Variants in PAN3 observed in about 807,000 individuals in gnomAD.
The protein encoded by PAN3 is poly(A) specific ribonuclease subunit PAN3.
In PAN3, 19 loss-of-function variants were observed where a neutral mutation model predicts 96.2. The observed-to-expected ratio is 0.20, with a 90% CI of 0.14 to 0.29. The LOEUF (loss-of-function observed/expected upper bound fraction) is 0.29. Among genes scored for constraint, PAN3 ranks in the 10% least tolerant of loss-of-function variants. The pLI, the probability that PAN3 is intolerant of heterozygous loss-of-function variation, is 1.00. For missense variants in PAN3, 882 were observed against 1,108.1 expected (o/e 0.80, Z 2.90); for synonymous variants, 433 against 406.6 (o/e 1.06, Z -0.78).
At chr13:28,208,506 CT>C (rs1372886879) in intron 5 of PAN3, among the ~76,000 whole-genome samples, 1 of 152,072 alleles carries the variant, frequency 6.6e-6, no homozygotes, top group Non-Finnish European at 1.5e-5. Context: ...ATCCAAGATA[CT>C]TGAGACTATA....
At chr13:28,197,655 C>G (rs1004270642) in intron 5 of PAN3, among the ~76,000 whole-genome samples, 2 of 152,028 alleles carry the variant, frequency 1.3e-5, no homozygotes, top group Non-Finnish European at 2.9e-5. Context: ...TCACTGTAAC[C>G]TCCACCTCCC....
intron 6 of PAN3, among the ~76,000 whole-genome samples, chr13:28,225,169 C>T (rs1182006671): frequency 6.6e-6 from 1 of 151,662 alleles, no homozygotes; most frequent in Non-Finnish European, 1.5e-5. Context: ...TTGGCTAATA[C>T]CCTTTTTTTA....
chr13:28,235,097 A>G (rs1034811886), intron 6 of PAN3, among the ~76,000 whole-genome samples: 2 of 151,832 alleles, frequency 1.3e-5, no homozygotes, highest in African/African-American at 4.8e-5. Context: ...TCCCTTGTGT[A>G]CTCCGTTCTG....
chr13:28,219,216 T>C (rs1881125769), intron 5 of PAN3, among the ~76,000 whole-genome samples: 1 of 152,230 alleles, frequency 6.6e-6, no homozygotes, highest in Non-Finnish European at 1.5e-5. Context: ...TTATACTTTT[T>C]CAGAAATTCA....
chr13:28,281,235 T>A, intron 16 of PAN3, 80 bp from the exon 17 acceptor site: 1 of 1,031,952 alleles, frequency 9.7e-7, no homozygotes, highest in Non-Finnish European at 1.5e-6. Context: ...TGGTACAGGT[T>A]ACCAGTTTTT....
rs1874668961 is a variant in PAN3, at chr13:28,174,291, T to C, written c.450T>C (p.Gly150=). The change falls in exon 2 of 19, where the codon GGT becomes GGC. Residue 150 remains glycine (G), a synonymous_variant. Coordinates refer to ENST00000380958, the MANE Select transcript of PAN3 (RefSeq NM_175854.8). Reference sequence around the variant, plus strand: ...TTTCAGTTCCAGGAATGGATGGAGGTGCTTTAACTGATACAAGTCTCACAG... The same window carrying C: ...TTTCAGTTCCAGGAATGGATGGAGGCGCTTTAACTGATACAAGTCTCACAG... The part of the protein sequence containing the change: ...PRLAIPGMDG[G]ALTDTSLTDS... 1.2e-6 allele frequency: 2 copies of C among 1,612,244 alleles called. No individual in the cohort carries two copies. The highest frequency in any genetic ancestry group is 3.3e-5 in the Admixed American group (2 of 59,944).
chr13:28,242,161 T>A (rs1240793393), intron 6 of PAN3, among the ~76,000 whole-genome samples: 1 of 152,218 alleles, frequency 6.6e-6, no homozygotes, highest in Admixed American at 6.5e-5. Flanking sequence ...GTGGGTTGTT[T>A]CATGTTTGCT....
At chr13:28,229,426 A>G (rs1882315619) in intron 6 of PAN3, among the ~76,000 whole-genome samples, 1 of 152,294 alleles carries the variant, frequency 6.6e-6, no homozygotes, top group South Asian at 2.1e-4. Context: ...ACAAAATATA[A>G]TCTTATTTAT....
rs926652386 is a variant in PAN3, at chr13:28,220,432, A to G, written c.1000+54A>G. 2.1e-5 allele frequency: 32 copies of G among 1,540,866 alleles called. No individual in the cohort carries two copies. In the African/African-American group the frequency reaches 4.0e-4, roughly 19 times the overall value. On this transcript the variant is annotated intron_variant, in intron 6 of 18. Transcript: ENST00000380958. ...TCCAGATACCATGTCTGTAAGCACC[A>G]TTTACTATTAATTTATCAGAACTGA... is the stretch of plus-strand genomic sequence containing the variant.
chr13:28,289,836 T>C (rs751390178), intron 18 of PAN3, among the ~76,000 whole-genome samples: 8 of 152,040 alleles, frequency 5.3e-5, no homozygotes, highest in Admixed American at 4.6e-4. Context: ...GAGCCGAGAT[T>C]GGGCCACTGC....
intron 15 of PAN3, among the ~76,000 whole-genome samples, chr13:28,277,685 A>G (rs939597857): frequency 2.0e-5 from 3 of 152,238 alleles, no homozygotes; most frequent in Admixed American, 2.0e-4. Flanking sequence ...CTTCAATTAC[A>G]CTAGTCACAT....
Position 28,295,131 on chromosome 13 carries a change from T to C in PAN3, c.*2609T>C, listed in dbSNP as rs1870168855. On this transcript the variant is annotated 3_prime_UTR_variant, in exon 19 of 19. Transcript: ENST00000380958. ...ACCTGTTTTAAATTCTGTTAGTGTA[T>C]TTACTTCATTGTAAATATTTTTGAG... is the stretch of plus-strand genomic sequence containing the variant. The C allele has an allele frequency of 6.6e-6, 1 of 152,230 alleles. No individual in the cohort carries two copies. The highest frequency in any genetic ancestry group is 6.5e-5 in the Admixed American group (1 of 15,286). 9.4% of individuals were successfully genotyped at this position (152,230 alleles called of 1,614,324 possible).
chr13:28,144,247 C>G (rs1357215417), intron 1 of PAN3, among the ~76,000 whole-genome samples: 1 of 128,562 alleles, frequency 7.8e-6, no homozygotes, highest in Non-Finnish European at 1.6e-5. Flanking sequence ...TATGGAGTCT[C>G]GCTCTGTCTC....
intron 6 of PAN3, among the ~76,000 whole-genome samples, chr13:28,250,558 G>T (rs1221590623): frequency 6.6e-6 from 1 of 152,098 alleles, no homozygotes; most frequent in Non-Finnish European, 1.5e-5. Context: ...GTAGACACGG[G>T]GTTTCAGCAT....
intron 6 of PAN3, among the ~76,000 whole-genome samples, chr13:28,250,556 G>A (rs934154842): frequency 1.2e-4 from 18 of 152,068 alleles, no homozygotes; most frequent in African/African-American, 3.6e-4. Context: ...TAGTAGACAC[G>A]GGGTTTCAGC....
chr13:28,205,629 A>G (rs564659443), intron 5 of PAN3, among the ~76,000 whole-genome samples: 2 of 152,234 alleles, frequency 1.3e-5, no homozygotes, highest in African/African-American at 4.8e-5. Flanking sequence ...ACTTGAGCCC[A>G]GGAGTTCGAG....
intron 1 of PAN3, among the ~76,000 whole-genome samples, chr13:28,158,155 T>C (rs1373748631): frequency 6.6e-6 from 1 of 152,170 alleles, no homozygotes; most frequent in Non-Finnish European, 1.5e-5. Flanking sequence ...ATTCAAAAGA[T>C]TGAAACTGGA....
intron 9 of PAN3, among the ~76,000 whole-genome samples, chr13:28,263,966 C>G (rs1303658762): frequency 6.6e-6 from 1 of 152,176 alleles, no homozygotes; most frequent in Non-Finnish European, 1.5e-5. Context: ...ATGTTTCTGA[C>G]TATCCCTTCC....
chr13:28,196,089 G>A (rs1878019930), intron 4 of PAN3, among the ~76,000 whole-genome samples: 1 of 149,890 alleles, frequency 6.7e-6, no homozygotes, highest in Non-Finnish European at 1.5e-5. Context: ...GGAGCTCCTG[G>A]GCTCAAGTGA....
Sources: allele counts gnomAD v4.1 joint callset (sites outside exome capture counted in the v4.1 genomes callset), GRCh38; gene constraint gnomAD v4.1.1; transcripts MANE v1.5; gene names NCBI Gene and HGNC (gene_info 2026-07-23, HGNC 2026-07-21).